The following THSD7A variants were observed in gnomAD, a reference collection of about 807,000 sequenced individuals.
THSD7A encodes thrombospondin type-1 domain-containing protein 7A.
Under a neutral mutation model 231.3 loss-of-function variants are expected in THSD7A, and 96 were observed. The observed-to-expected ratio is 0.41, with a 90% CI of 0.35 to 0.49. The LOEUF is 0.49. Among genes scored for constraint, THSD7A ranks in the 20% least tolerant of loss-of-function variants. The pLI is 0.05. For synonymous variants in THSD7A, 940 were observed against 743.3 expected (o/e 1.26, Z -4.30); for missense variants, 2,290 against 2,070.2 (o/e 1.11, Z -2.06).
chr7:11,615,173 T>C (rs149957570), intron 2 of THSD7A, among the ~76,000 whole-genome samples: 163 of 152,312 alleles, frequency 1.1e-3, no homozygotes, highest in Non-Finnish European at 1.9e-3. Flanking sequence ...ATAAGGTGTA[T>C]GCAACTGCGT....
Position 11,474,218 on chromosome 7 carries a change from T to C in THSD7A, c.2252+116A>G. On this transcript the variant is annotated intron_variant, in intron 8 of 27. Transcript: ENST00000423059. The surrounding 1 kb of genome is among the most constrained non-coding windows in gnomAD (Gnocchi z 4.1). ...CTTTCAAAACAAACAAATCTTGCTC[T>C]TGAGGACAGGTATGACAAGCATCAA... 7.0e-6 allele frequency: 6 copies of C among 853,834 alleles called. 1 individual carries two copies. In the South Asian group the frequency reaches 1.2e-4, roughly 17 times the overall value. 52.9% of individuals were successfully genotyped at this position (853,834 alleles called of 1,614,324 possible). A position where few individuals can be genotyped will look rare whatever the true frequency, so the allele number is the denominator to read the frequency against.
chr7:11,483,358 T>C (rs549876532), intron 6 of THSD7A, among the ~76,000 whole-genome samples: 10 of 152,336 alleles, frequency 6.6e-5, no homozygotes, highest in African/African-American at 1.2e-4. Flanking sequence ...TACGTGTTAA[T>C]AGCCATTACA....
intron 1 of THSD7A, among the ~76,000 whole-genome samples, chr7:11,702,060 C>A (rs1394996199): frequency 6.6e-6 from 1 of 151,258 alleles, no homozygotes; most frequent in Admixed American, 6.6e-5. Flanking sequence ...CTTAGTCTAT[C>A]TTCTACTTCC....
intron 2 of THSD7A, among the ~76,000 whole-genome samples, chr7:11,633,847 C>G (rs1187366364): frequency 6.6e-6 from 1 of 152,148 alleles, no homozygotes; most frequent in Non-Finnish European, 1.5e-5. Flanking sequence ...TTTAGTTAAA[C>G]TTATGCAGTT....
chr7:11,385,863 C>A (rs1252259658), intron 23 of THSD7A, among the ~76,000 whole-genome samples: 1 of 152,040 alleles, frequency 6.6e-6, no homozygotes, highest in Non-Finnish European at 1.5e-5. Context: ...TGCTATCCCT[C>A]CCCCTTACCT....
At chr7:11,413,882 G>A (rs910392312) in intron 17 of THSD7A, 19 of 152,382 alleles carry the variant, frequency 1.2e-4, no homozygotes, top group African/African-American at 4.3e-4. Context: ...CAGGAGGACA[G>A]CTTTGACCCC....
chr7:11,795,564 T>C (rs1451691462), intron 1 of THSD7A, among the ~76,000 whole-genome samples: 1 of 152,084 alleles, frequency 6.6e-6, no homozygotes, highest in Non-Finnish European at 1.5e-5. Context: ...TATTAGTCCC[T>C]AGTTTTATGT....
intron 2 of THSD7A, among the ~76,000 whole-genome samples, chr7:11,619,097 T>G (rs941721664): frequency 1.2e-4 from 18 of 151,986 alleles, no homozygotes; most frequent in African/African-American, 3.9e-4. Flanking sequence ...TAGGCAATAT[T>G]TATATCTAAC....
intron 1 of THSD7A, among the ~76,000 whole-genome samples, chr7:11,675,631 T>C (rs1277653853): frequency 1.3e-5 from 2 of 151,996 alleles, no homozygotes; most frequent in African/African-American, 2.4e-5. Flanking sequence ...CCTCTCACAG[T>C]GTAAAAAAAG....
rs1284803704 is a variant in THSD7A at position 11,370,868 on chromosome 7, A to C, written c.*4926T>G. ...GATAGAAATGGAGAAAAAAAGTACC[A>C]GAAAAGGAATCTAAATGTTTACTTT... On this transcript the variant is annotated 3_prime_UTR_variant, in exon 28 of 28. Coordinates refer to ENST00000423059, the MANE Select transcript of THSD7A (RefSeq NM_015204.3). 2 of 152,196 alleles carry C rather than the reference A, an allele frequency of 1.3e-5. No homozygotes were observed. Among genetic ancestry groups the C allele is most frequent in the Non-Finnish European group, 2.9e-5 (2 of 68,018 alleles). 9.4% of individuals were successfully genotyped at this position (152,196 alleles called of 1,614,324 possible). A position where few individuals can be genotyped will look rare whatever the true frequency, so the allele number is the denominator to read the frequency against.
At chr7:11,698,614 A>G (rs1439018570) in intron 1 of THSD7A, among the ~76,000 whole-genome samples, 3 of 151,440 alleles carry the variant, frequency 2.0e-5, no homozygotes, top group African/African-American at 7.3e-5. Context: ...AAATTATTTC[A>G]AGTTAATTTG....
At chr7:11,611,857 T>A (rs1780943099) in intron 2 of THSD7A, among the ~76,000 whole-genome samples, 1 of 150,576 alleles carries the variant, frequency 6.6e-6, no homozygotes, top group African/African-American at 2.4e-5. Flanking sequence ...TATCTATCTA[T>A]CTATCTATCT....
chr7:11,750,550 T>C (rs1583255901), intron 1 of THSD7A, among the ~76,000 whole-genome samples: 1 of 151,906 alleles, frequency 6.6e-6, no homozygotes, highest in Admixed American at 6.6e-5. Context: ...CCAAACCCAA[T>C]AGTCTGATTT....
At position 11,820,954 on chromosome 7, in the gene THSD7A, G is replaced by A. The variant is rs1395446131; in HGVS notation, c.190+10803C>T. The A allele has an allele frequency of 7.7e-6, 8 of 1,036,142 alleles. No homozygotes were observed. The Admixed American group carries it at 8.5e-5, about 11-fold the overall frequency. 64.2% of individuals were successfully genotyped at this position (1,036,142 alleles called of 1,614,324 possible). ...AGATCTCTCTCCTTATGTTTTTTAT[G>A]ACGTTCAATATCAAGGCGGAGATCA... On this transcript the variant is annotated intron_variant, in intron 1 of 27. Transcript: ENST00000423059.
At chr7:11,776,667 C>T (rs1783416440) in intron 1 of THSD7A, among the ~76,000 whole-genome samples, 1 of 151,944 alleles carries the variant, frequency 6.6e-6, no homozygotes, top group African/African-American at 2.4e-5. Flanking sequence ...ATGAAATTTG[C>T]AAAAATTAAG....
intron 4 of THSD7A, among the ~76,000 whole-genome samples, chr7:11,544,509 A>G (rs575974942): frequency 3.9e-5 from 6 of 152,314 alleles, no homozygotes; most frequent in South Asian, 2.1e-4. Flanking sequence ...TCAAATTCCA[A>G]TTGCATAGGA....
intron 1 of THSD7A, among the ~76,000 whole-genome samples, chr7:11,669,094 A>G (rs1445331157): frequency 6.6e-6 from 1 of 152,180 alleles, no homozygotes; most frequent in Non-Finnish European, 1.5e-5. Flanking sequence ...ACCATTATAT[A>G]TGTAGAGGGT....
At chr7:11,520,968 G>T (rs1788236494) in intron 6 of THSD7A, among the ~76,000 whole-genome samples, 1 of 152,140 alleles carries the variant, frequency 6.6e-6, no homozygotes, top group Non-Finnish European at 1.5e-5. Flanking sequence ...ATACTGAAAG[G>T]TCTTATAGGA....
intron 1 of THSD7A, among the ~76,000 whole-genome samples, chr7:11,769,139 A>ATTT (rs1562541243): frequency 1.1e-4 from 4 of 36,742 alleles, no homozygotes; most frequent in African/African-American, 2.3e-4. Context: ...ATATATATAT[A>ATTT]TATATATATA....
Sources: allele counts gnomAD v4.1 joint callset (sites outside exome capture counted in the v4.1 genomes callset), GRCh38; gene constraint gnomAD v4.1.1; non-coding constraint Gnocchi (gnomAD v3.1); transcripts MANE v1.5; gene names NCBI Gene and HGNC (gene_info 2026-07-23, HGNC 2026-07-21).